The following PAK5 variants were observed in gnomAD, a reference collection of about 807,000 sequenced individuals.
The protein encoded by PAK5 is p21 (RAC1) activated kinase 5, also known as serine/threonine-protein kinase PAK 5.
Under a neutral mutation model 65.9 loss-of-function variants are expected in PAK5, and 16 were observed. The observed-to-expected ratio is 0.24, with a 90% CI of 0.16 to 0.37. The LOEUF (loss-of-function observed/expected upper bound fraction) is 0.37, where lower values mean the gene tolerates loss of function less well. Ranked by LOEUF, PAK5 falls within the 10% of genes least tolerant of loss-of-function variation. The probability of loss-of-function intolerance (pLI) is 1.00; values close to 1 mark genes in which losing one functional copy is unlikely to be tolerated. For synonymous variants in PAK5, 371 were observed against 354.9 expected, an observed-to-expected ratio of 1.05 and a Z score of -0.51; for missense variants, 785 against 903.9, an observed-to-expected ratio of 0.87 and a Z score of 1.69.
chr20:9,822,781 T>C (rs547013324), intron 1 of PAK5, among the ~76,000 whole-genome samples: 71 of 152,210 alleles, frequency 4.7e-4, no homozygotes, highest in Non-Finnish European at 8.2e-4. Context: ...CTTTTCCATA[T>C]CATGGGAGTT....
chr20:9,761,525 A>G (rs1325331592), intron 1 of PAK5, among the ~76,000 whole-genome samples: 1 of 152,178 alleles, frequency 6.6e-6, no homozygotes, highest in Non-Finnish European at 1.5e-5. Flanking sequence ...AATTTTTAAC[A>G]TCAGAAGTAG....
intron 2 of PAK5, among the ~76,000 whole-genome samples, chr20:9,698,670 T>A (rs547828272): frequency 5.9e-5 from 9 of 152,296 alleles, no homozygotes; most frequent in Middle Eastern, 3.4e-3. Context: ...AGACAAAGCA[T>A]GGATTTCACT....
chr20:9,770,899 T>C (rs4816176), intron 1 of PAK5, among the ~76,000 whole-genome samples: 117,516 of 152,052 alleles, frequency 0.77, 45,453 homozygotes, highest in East Asian at 0.87. Flanking sequence ...TACTCTATTG[T>C]TCATGGCTGC....
At chr20:9,669,463 C>A (rs1444162598) in intron 2 of PAK5, among the ~76,000 whole-genome samples, 2 of 152,082 alleles carry the variant, frequency 1.3e-5, no homozygotes, top group Non-Finnish European at 2.9e-5. Flanking sequence ...GCAATCATAT[C>A]AAAAGTCCTC....
rs2045286386 is a variant in PAK5, at chr20:9,542,718, C to T, written c.1872G>A (p.Val624=). The T allele has an allele frequency of 6.2e-7, 1 of 1,613,808 alleles. No individual in the cohort carries two copies. Among genetic ancestry groups the T allele is most frequent in the South Asian group, 1.1e-5 (1 of 91,056 alleles). The change falls in exon 9 of 10, where the codon GTG becomes GTA. Residue 624 remains valine (V), a splice_region_variant and synonymous_variant. Transcript: ENST00000353224. The part of the protein sequence containing the change: ...VISRLPYGTE[V]DIWSLGIMVI... ...CCATGATCCCGAGGGACCAGATGTCCACCTGTTAGGCACACCCTACTGGTT... is the reference window on the plus strand; with the variant it reads ...CCATGATCCCGAGGGACCAGATGTCTACCTGTTAGGCACACCCTACTGGTT...
At chr20:9,693,403 A>G (rs1173431460) in intron 2 of PAK5, among the ~76,000 whole-genome samples, 2 of 151,630 alleles carry the variant, frequency 1.3e-5, no homozygotes, top group African/African-American at 4.8e-5. Context: ...TTCTGCTTCC[A>G]TTCTCTCTCT....
intron 1 of PAK5, among the ~76,000 whole-genome samples, chr20:9,716,956 A>C (rs894125076): frequency 3.9e-5 from 6 of 152,130 alleles, no homozygotes; most frequent in Non-Finnish European, 5.9e-5. Flanking sequence ...GTGGTGGTGC[A>C]GGCCTGTAGC....
At chr20:9,682,384 T>C (rs543188833) in intron 2 of PAK5, among the ~76,000 whole-genome samples, 1 of 133,876 alleles carries the variant, frequency 7.5e-6, no homozygotes, top group South Asian at 2.4e-4. Flanking sequence ...CAAAAAAACC[T>C]ACTAGGGCAG....
rs541274309 is a variant in PAK5, at chr20:9,820,648, T to A, written c.-162+18114A>T. Among the ~76,000 whole-genome samples the A allele has an allele frequency of 3.9e-5, 6 of 152,264 alleles. No homozygotes were observed. In the South Asian group the frequency reaches 1.2e-3, roughly 32 times the overall value. On this transcript the variant is annotated intron_variant, in intron 1 of 9. Coordinates refer to ENST00000353224, the MANE Select transcript of PAK5 (RefSeq NM_177990.4). ...GCCTCTTCCTTCCTGCCTCTTCCAGTCCAATGGGACAAAGAAGGAGAACAA... is the reference window on the plus strand; with the variant it reads ...GCCTCTTCCTTCCTGCCTCTTCCAGACCAATGGGACAAAGAAGGAGAACAA...
In PAK5 at chr20:9,552,741, C is replaced by T. The variant is rs767935312; in HGVS notation, c.1743+4867G>A. On this transcript the variant is annotated intron_variant, in intron 7 of 9. Transcript: ENST00000353224. ...ATTTTTTAGTTTTTTTTTTTTTTGGCGACAGGGTCTCACTTTATCACTCAG... is the reference window on the plus strand; with the variant it reads ...ATTTTTTAGTTTTTTTTTTTTTTGGTGACAGGGTCTCACTTTATCACTCAG... Among the ~76,000 whole-genome samples, 15 of 144,706 alleles carry T rather than the reference C, an allele frequency of 1.0e-4. 1 individual carries two copies. The South Asian group carries it at 1.7e-3, about 17-fold the overall frequency. 94.9% of individuals were successfully genotyped at this position (144,706 alleles called of 152,430 possible). A position where few individuals can be genotyped will look rare whatever the true frequency, so the allele number is the denominator to read the frequency against.
intron 1 of PAK5, among the ~76,000 whole-genome samples, chr20:9,797,548 T>C (rs1569091880): frequency 6.6e-6 from 1 of 150,626 alleles, no homozygotes; most frequent in African/African-American, 2.4e-5. Context: ...CTAATGTAAA[T>C]GACGAGTTAA....
At chr20:9,761,829 A>T (rs1467102305) in intron 1 of PAK5, among the ~76,000 whole-genome samples, 1 of 152,084 alleles carries the variant, frequency 6.6e-6, no homozygotes, top group African/African-American at 2.4e-5. Flanking sequence ...TTTAAAATGG[A>T]TTGGAAGTCA....
chr20:9,590,202 C>T (rs534402992), intron 3 of PAK5, among the ~76,000 whole-genome samples: 2 of 152,200 alleles, frequency 1.3e-5, no homozygotes, highest in South Asian at 4.2e-4. Context: ...AACTCCTGGC[C>T]TCAAGTGATC....
chr20:9,725,377 A>G lies in PAK5; in HGVS notation c.-161-13942T>C, dbSNP rs150438078. ...AACTTTTCTGCTTTGATTGCATAAA[A>G]ATAAGACTGTACCATTTTTGGTCAT... On this transcript the variant is annotated intron_variant, in intron 1 of 9. Transcript: ENST00000353224. 4.5e-3 allele frequency among the ~76,000 whole-genome samples: 689 copies of G among 152,306 alleles called. 8 individuals carry two copies. The highest frequency in any genetic ancestry group is 0.013 in the African/African-American group (560 of 41,560).
intron 2 of PAK5, among the ~76,000 whole-genome samples, chr20:9,672,660 A>C (rs1373329758): frequency 6.6e-6 from 1 of 152,094 alleles, no homozygotes; most frequent in Non-Finnish European, 1.5e-5. Flanking sequence ...TGCCCTTACA[A>C]ATTACCCAGT....
intron 1 of PAK5, among the ~76,000 whole-genome samples, chr20:9,828,676 G>A (rs1354297341): frequency 1.3e-5 from 2 of 152,176 alleles, no homozygotes. Flanking sequence ...TGAATCCAGT[G>A]ACCATTAGAA....
At chr20:9,559,573 C>T (rs2045561682) in intron 6 of PAK5, among the ~76,000 whole-genome samples, 1 of 152,116 alleles carries the variant, frequency 6.6e-6, no homozygotes, top group South Asian at 2.1e-4. Flanking sequence ...ACCAGCCTGG[C>T]CAACATGGTG....
rs541119491 is a variant in PAK5 at position 9,838,131 on chromosome 20, G to T, written c.-162+631C>A. 4.7e-4 allele frequency among the ~76,000 whole-genome samples: 72 copies of T among 151,814 alleles called. No homozygotes were observed. The highest frequency in any genetic ancestry group is 1.7e-3 in the African/African-American group (71 of 41,374). On this transcript the variant is annotated intron_variant, in intron 1 of 9. Coordinates refer to ENST00000353224, the MANE Select transcript of PAK5 (RefSeq NM_177990.4). This position sits in a 1 kb window ranked among gnomAD's most constrained non-coding sequence, Gnocchi z 4.5. ...CCTCTTCCACGCCCTGCTCACAAGG[G>T]TGCCCACAAGCAGAAGTTCTCTCTC...
intron 2 of PAK5, among the ~76,000 whole-genome samples, chr20:9,680,725 A>G (rs921378672): frequency 6.6e-6 from 1 of 152,140 alleles, no homozygotes; most frequent in African/African-American, 2.4e-5. Context: ...AGGAATGTTA[A>G]ATGCTAAGGA....
Sources: gnomAD v4.1 joint callset for allele counts (sites outside exome capture counted in the v4.1 genomes callset) on GRCh38, gnomAD v4.1.1 for gene constraint, Gnocchi (gnomAD v3.1) non-coding constraint, MANE v1.5 for transcripts, NCBI Gene and HGNC (gene_info 2026-07-23, HGNC 2026-07-21) for gene names.